SLC22A15: variants seen among roughly 807,000 people sequenced by gnomAD.
The protein encoded by SLC22A15 is flipt 1.
A neutral mutation model predicts 62.7 loss-of-function variants in SLC22A15; 45 were observed. The observed-to-expected ratio is 0.72, with a 90% confidence interval of 0.56 to 0.92. The LOEUF (loss-of-function observed/expected upper bound fraction) is 0.92. Among genes scored for constraint, SLC22A15 ranks in the 40% least tolerant of loss-of-function variants. The pLI is 0.00. For missense variants in SLC22A15, 622 were observed against 665.6 expected, an observed-to-expected ratio of 0.93 and a Z score of 0.72; for synonymous variants, 264 against 267.0, an observed-to-expected ratio of 0.99 and a Z score of 0.11.
chr1:116,004,052 C>A (rs1655859313), intron 2 of SLC22A15, among the ~76,000 whole-genome samples: 1 of 152,206 alleles, frequency 6.6e-6, no homozygotes, highest in Non-Finnish European at 1.5e-5. Flanking sequence ...TTTATCATGA[C>A]TGCTTCCTTA....
intron 2 of SLC22A15, among the ~76,000 whole-genome samples, chr1:116,007,024 T>C (rs1180815574): frequency 1.3e-5 from 2 of 152,202 alleles, no homozygotes; most frequent in Non-Finnish European, 2.9e-5. Context: ...ATTATCCACC[T>C]TGATTATAGT....
At chr1:116,031,703 T>C in intron 6 of SLC22A15, 122 bp downstream of exon 6, 1 of 1,482,496 alleles carries the variant, frequency 6.7e-7, no homozygotes, top group Non-Finnish European at 8.9e-7. Context: ...GAGGTTGTTT[T>C]CTCAACAGCA....
intron 1 of SLC22A15, among the ~76,000 whole-genome samples, chr1:115,987,311 G>A (rs1168810724): frequency 2.0e-5 from 3 of 151,832 alleles, no homozygotes; most frequent in African/African-American, 7.3e-5. Flanking sequence ...GACTACAGGC[G>A]CCTGCCACCA....
chr1:116,057,731 A>G (rs1188194444), intron 8 of SLC22A15, among the ~76,000 whole-genome samples: 1 of 152,228 alleles, frequency 6.6e-6, no homozygotes, highest in African/African-American at 2.4e-5. Context: ...ACAGCCATAA[A>G]AAATGATGAG....
chr1:116,022,802 G>C (rs192765879), intron 4 of SLC22A15, among the ~76,000 whole-genome samples: 1 of 152,162 alleles, frequency 6.6e-6, no homozygotes, highest in Non-Finnish European at 1.5e-5. Flanking sequence ...AAACCACATG[G>C]TTGCCAAATT....
rs745799312 is a variant in SLC22A15 at position 116,067,057 on chromosome 1, G to A, written c.1593G>A (p.Glu531=). The part of the protein sequence containing the change: ...DKESSLGSES[E]EEEEFYDADE... ...AGAGCTCTTTAGGGAGTGAGAGTGAGGAAGAGGAAGAATTTTATGATGCAG... is the reference window on the plus strand; with the variant it reads ...AGAGCTCTTTAGGGAGTGAGAGTGAAGAAGAGGAAGAATTTTATGATGCAG... Residue 531 remains glutamate (E), a synonymous_variant, in exon 12 of 12, where the codon GAG becomes GAA. Transcript: ENST00000369503. The A allele has an allele frequency of 7.4e-6, 12 of 1,612,762 alleles. No individual in the cohort carries two copies. The highest frequency in any genetic ancestry group is 5.0e-5 in the Admixed American group (3 of 59,854).
intron 7 of SLC22A15, among the ~76,000 whole-genome samples, chr1:116,036,448 C>T (rs906507336): frequency 4.6e-5 from 7 of 152,094 alleles, no homozygotes; most frequent in Non-Finnish European, 1.5e-5. Flanking sequence ...TTCTTAGCGC[C>T]CCCCAGAGTT....
At position 115,981,720 on chromosome 1, in the gene SLC22A15, C is replaced by T. The variant is rs148343009; in HGVS notation, c.87+5006C>T. On this transcript the variant is annotated intron_variant, in intron 1 of 11. Coordinates refer to ENST00000369503, the MANE Select transcript of SLC22A15 (RefSeq NM_018420.3). ...TGGATGTCTCAAGAATTAGGACATT[C>T]CATGGAAAGCAACTAGACTGATACC... 8.0e-4 allele frequency among the ~76,000 whole-genome samples: 122 copies of T among 152,276 alleles called. 1 individual carries two copies. The highest frequency in any genetic ancestry group is 1.1e-3 in the Non-Finnish European group (74 of 68,014).
rs1658573122 is a variant in SLC22A15 at position 116,069,645 on chromosome 1, C to A, written c.*2537C>A. ...TGAAATTTTCTGATTTTGTGAGTTACAACCACAGCCCAGTAAAACCAATAC... is the reference window on the plus strand; with the variant it reads ...TGAAATTTTCTGATTTTGTGAGTTAAAACCACAGCCCAGTAAAACCAATAC... On this transcript the variant is annotated 3_prime_UTR_variant, in exon 12 of 12. Transcript: ENST00000369503. 1 of 152,094 alleles carries A rather than the reference C, an allele frequency of 6.6e-6. No homozygotes were observed. Among genetic ancestry groups the A allele is most frequent in the South Asian group, 2.1e-4 (1 of 4,824 alleles). 9.4% of individuals were successfully genotyped at this position (152,094 alleles called of 1,614,324 possible). A position where few individuals can be genotyped will look rare whatever the true frequency, so the allele number is the denominator to read the frequency against.
At chr1:115,988,687 A>ATTTTTT (rs33995476) in intron 1 of SLC22A15, among the ~76,000 whole-genome samples, 2 of 140,498 alleles carry the variant, frequency 1.4e-5, no homozygotes, top group Non-Finnish European at 3.1e-5. Context: ...TGCCCAGCTA[A>ATTTTTT]TTTTTTTTTT....
intron 2 of SLC22A15, among the ~76,000 whole-genome samples, chr1:116,006,300 C>T (rs1655978223): frequency 6.6e-6 from 1 of 152,180 alleles, no homozygotes; most frequent in Non-Finnish European, 1.5e-5. Context: ...CTGGTCCCCA[C>T]TGTATCTCCT....
At position 115,992,092 on chromosome 1, in the gene SLC22A15, G is replaced by A; in HGVS notation, c.149G>A (p.Trp50Ter). 1 of 1,613,956 alleles carries A rather than the reference G, an allele frequency of 6.2e-7. No individual in the cohort carries two copies. The highest frequency in any genetic ancestry group is 8.5e-7 in the Non-Finnish European group (1 of 1,179,870). The stretch of plus-strand genomic sequence containing the variant: ...GTTGGGGCCACGCCATCCTACCACT[G>A]GGACCTGGCAGAGCTCCTGCCAAAT... ...ALVGATPSYHWDLAELLPNQS... is the reference protein window; with the variant it reads ...ALVGATPSYH The change falls in exon 2 of 12, where the codon TGG (tryptophan) becomes TAG (stop). Residue 50 changes from tryptophan (W) to a stop codon, truncating the protein, a stop_gained. Transcript: ENST00000369503. LOFTEE classifies it high-confidence loss of function.
At chr1:116,049,084 C>G (rs1236177176) in intron 8 of SLC22A15, among the ~76,000 whole-genome samples, 1 of 152,178 alleles carries the variant, frequency 6.6e-6, no homozygotes, top group Non-Finnish European at 1.5e-5. Context: ...AACACTAGAG[C>G]TCTCAAATTT....
chr1:116,052,624 G>C (rs1036474738), intron 8 of SLC22A15, among the ~76,000 whole-genome samples: 7 of 152,208 alleles, frequency 4.6e-5, no homozygotes, highest in Non-Finnish European at 1.5e-5. Context: ...CCTGACCCCT[G>C]ACCCCCGAGC....
chr1:116,017,967 C>T (rs1656622069), intron 2 of SLC22A15, among the ~76,000 whole-genome samples: 1 of 152,008 alleles, frequency 6.6e-6, no homozygotes, highest in African/African-American at 2.4e-5. Flanking sequence ...CCTAAGTTTC[C>T]CTAAAGTAGA....
chr1:116,066,938 A>G, intron 11 of SLC22A15, 81 bp from the exon 12 acceptor site: 1 of 1,130,308 alleles, frequency 8.8e-7, no homozygotes, highest in Middle Eastern at 2.4e-4. Flanking sequence ...TACATTTGTC[A>G]GTTGAATAGC....
At chr1:116,028,339 G>A (rs145627867) in intron 5 of SLC22A15, among the ~76,000 whole-genome samples, 47 of 152,058 alleles carry the variant, frequency 3.1e-4, no homozygotes, top group Non-Finnish European at 4.7e-4. Flanking sequence ...ATTTTTGAAA[G>A]TAATAAATGG....
chr1:116,026,897 G>T lies in SLC22A15; in HGVS notation c.603G>T (p.Ser201=). The stretch of plus-strand genomic sequence containing the variant: ...GTTCTCTTTTCCCTGAATTAGGATC[G>T]ATTGGCGGCCTGTTCTTTGCAGTTG... ...VGTAYWALAG[S]IGGLFFAVGI... is the part of the protein sequence containing the mutation. The change falls in exon 5 of 12, where the codon TCG becomes TCT. Residue 201 remains serine (S), a synonymous_variant. Transcript: ENST00000369503. The T allele has an allele frequency of 1.9e-6, 3 of 1,612,858 alleles. No individual in the cohort carries two copies. Among genetic ancestry groups the T allele is most frequent in the Non-Finnish European group, 2.5e-6 (3 of 1,179,756 alleles).
chr1:116,025,671 G>A (rs1157917138), intron 4 of SLC22A15, among the ~76,000 whole-genome samples: 1 of 152,160 alleles, frequency 6.6e-6, no homozygotes, highest in Non-Finnish European at 1.5e-5. Context: ...CACAAGTCCT[G>A]GCCCTGCTAC....
Sources: allele counts gnomAD v4.1 joint callset (sites outside exome capture counted in the v4.1 genomes callset), GRCh38; gene constraint gnomAD v4.1.1; transcripts MANE v1.5; gene names NCBI Gene and HGNC (gene_info 2026-07-23, HGNC 2026-07-21).